AFF3: variants seen among roughly 807,000 people sequenced by gnomAD.
AFF3 encodes the protein AF4/FMR2 family member 3.
A neutral mutation model predicts 129.7 loss-of-function variants in AFF3; 32 were observed. The observed-to-expected ratio is 0.25, with a 90% CI of 0.19 to 0.33. AFF3 has a LOEUF of 0.33. AFF3 is among the 10% of genes least tolerant of loss of function. The pLI, the probability that AFF3 is intolerant of heterozygous loss-of-function variation, is 1.00. For missense variants in AFF3, 1,373 were observed against 1,592.0 expected, an observed-to-expected ratio of 0.86 and a Z score of 2.34; for synonymous variants, 644 against 635.4, an observed-to-expected ratio of 1.01 and a Z score of -0.20.
At chr2:99,744,448 A>G (rs1296511929) in intron 9 of AFF3, among the ~76,000 whole-genome samples, 1 of 152,166 alleles carries the variant, frequency 6.6e-6, no homozygotes, top group Non-Finnish European at 1.5e-5. Flanking sequence ...GTACTTTCAT[A>G]AGGTTGTGCA....
chr2:100,055,462 T>TAAAAAAAA (rs55713850), intron 4 of AFF3, among the ~76,000 whole-genome samples: 2 of 128,500 alleles, frequency 1.6e-5, no homozygotes, highest in African/African-American at 5.9e-5. Flanking sequence ...CTAGAAATCT[T>TAAAAAAAA]AAAAAAAAAA....
intron 4 of AFF3, among the ~76,000 whole-genome samples, chr2:100,071,184 G>T (rs931895302): frequency 6.6e-6 from 1 of 152,074 alleles, no homozygotes; most frequent in African/African-American, 2.4e-5. Context: ...GTCAACCAGG[G>T]TCTAACAGTA....
chr2:99,797,548 A>AAAACAT (rs1685635214), intron 8 of AFF3, among the ~76,000 whole-genome samples: 1 of 152,150 alleles, frequency 6.6e-6, no homozygotes, highest in African/African-American at 2.4e-5. Context: ...CATTTGATAA[A>AAAACAT]AAACATAAAT....
At chr2:100,107,931 A>C (rs565318188) in intron 2 of AFF3, among the ~76,000 whole-genome samples, 1 of 152,166 alleles carries the variant, frequency 6.6e-6, no homozygotes, top group Non-Finnish European at 1.5e-5. Flanking sequence ...TTTTGTAACC[A>C]AGTGGGATTT....
chr2:100,024,231 CAAAAAAAAAAAAAAAA>C (rs56368025), intron 4 of AFF3, among the ~76,000 whole-genome samples: 2 of 56,044 alleles, frequency 3.6e-5, no homozygotes, highest in African/African-American at 7.6e-5. Flanking sequence ...GACTCCGTCT[CAAAAAAAAAAAAAAAA>C]AAAAAAAAAG....
intron 13 of AFF3, among the ~76,000 whole-genome samples, chr2:99,640,571 G>A (rs1006635523): frequency 2.6e-5 from 4 of 151,072 alleles, no homozygotes; most frequent in Non-Finnish European, 5.9e-5. Context: ...GCTTCACGAT[G>A]TCTTGTAAAA....
intron 13 of AFF3, among the ~76,000 whole-genome samples, chr2:99,633,524 G>A (rs1232392298): frequency 6.6e-6 from 1 of 152,176 alleles, no homozygotes; most frequent in African/African-American, 2.4e-5. Context: ...TTTGAATATG[G>A]TTTTTCTGTC....
At chr2:99,783,705 G>A (rs562159996) in intron 8 of AFF3, among the ~76,000 whole-genome samples, 22 of 152,338 alleles carry the variant, frequency 1.4e-4, no homozygotes, top group African/African-American at 4.6e-4. Context: ...TTTGTGATGT[G>A]GAAGCTGTCA....
In AFF3 at chr2:99,624,887, C is replaced by T. The variant is rs535098183; in HGVS notation, c.1185-23266G>A. Among the ~76,000 whole-genome samples the T allele has an allele frequency of 2.0e-5, 3 of 152,350 alleles. No homozygotes were observed. The South Asian group carries it at 6.2e-4, about 32-fold the overall frequency. On this transcript the variant is annotated intron_variant, in intron 13 of 24. Coordinates refer to ENST00000672756, the MANE Select transcript of AFF3 (RefSeq NM_001386135.1). Reference sequence around the variant, plus strand: ...GGGAGGGCAGCAAGTGGGAGCTCCGCCAGATGCCTCCGACCTGCATACGGC... The same window carrying T: ...GGGAGGGCAGCAAGTGGGAGCTCCGTCAGATGCCTCCGACCTGCATACGGC...
At chr2:100,111,499 T>A (rs1691509009) in intron 2 of AFF3, among the ~76,000 whole-genome samples, 1 of 152,254 alleles carries the variant, frequency 6.6e-6, no homozygotes, top group Non-Finnish European at 1.5e-5. Context: ...TATTTGTTTC[T>A]TTATTTTCAT....
intron 18 of AFF3, among the ~76,000 whole-genome samples, 188 bp from the exon 19 acceptor site, chr2:99,569,103 T>C (rs1434077024): frequency 6.6e-6 from 1 of 152,230 alleles, no homozygotes; most frequent in Non-Finnish European, 1.5e-5. Flanking sequence ...TCTCTTAAGT[T>C]AGCAATTCGA....
chr2:99,896,898 G>C lies in AFF3; in HGVS notation c.874-59374C>G, dbSNP rs183109349. Among the ~76,000 whole-genome samples, 813 of 152,104 alleles carry C rather than the reference G, an allele frequency of 5.3e-3. 5 individuals are homozygous for C. The highest frequency in any genetic ancestry group is 9.7e-3 in the Non-Finnish European group (658 of 67,994). On this transcript the variant is annotated intron_variant, in intron 7 of 24. Coordinates refer to ENST00000672756, the MANE Select transcript of AFF3 (RefSeq NM_001386135.1). ...GATCTGCCCGCCTCGGCCTCCCAAA[G>C]TGCTGGGATTACAGGCATGAGCCAC...
At chr2:99,695,267 T>A (rs1179245249) in intron 11 of AFF3, among the ~76,000 whole-genome samples, 2 of 152,176 alleles carry the variant, frequency 1.3e-5, no homozygotes, top group Non-Finnish European at 2.9e-5. Context: ...ACAGCACCAG[T>A]GGCCCTGGCT....
intron 7 of AFF3, among the ~76,000 whole-genome samples, chr2:99,874,185 C>A (rs28391205): frequency 3.1e-4 from 47 of 152,078 alleles, no homozygotes; most frequent in Non-Finnish European, 8.8e-5. Context: ...TCAAAAAAAA[C>A]AAAAAACTCT....
At chr2:99,714,185 G>A (rs551209258) in intron 11 of AFF3, among the ~76,000 whole-genome samples, 1 of 152,018 alleles carries the variant, frequency 6.6e-6, no homozygotes, top group Non-Finnish European at 1.5e-5. Context: ...ATGCCTAATC[G>A]CCCTCTCAGG....
chr2:99,608,545 G>C (rs569566594), intron 13 of AFF3, among the ~76,000 whole-genome samples: 184 of 152,224 alleles, frequency 1.2e-3, no homozygotes, highest in African/African-American at 4.3e-3. Flanking sequence ...CGGGGGCCAC[G>C]CAAGTAGCAT....
intron 8 of AFF3, among the ~76,000 whole-genome samples, chr2:99,826,357 G>A (rs919232034): frequency 2.6e-5 from 4 of 152,128 alleles, no homozygotes; most frequent in East Asian, 1.9e-4. Flanking sequence ...GCCGGTCATC[G>A]TGCTCACCCC....
chr2:99,900,851 G>A (rs1268159685), intron 7 of AFF3, among the ~76,000 whole-genome samples: 1 of 152,214 alleles, frequency 6.6e-6, no homozygotes, highest in East Asian at 1.9e-4. Flanking sequence ...CAGGTTTGAT[G>A]ATCTCCGCAA....
chr2:99,855,105 T>C (rs1316305766), intron 7 of AFF3, among the ~76,000 whole-genome samples: 1 of 152,002 alleles, frequency 6.6e-6, no homozygotes, highest in Non-Finnish European at 1.5e-5. Context: ...ATTTCCTAAA[T>C]AAGACACAAA....
Sources: allele counts gnomAD v4.1 joint callset (sites outside exome capture counted in the v4.1 genomes callset), GRCh38; gene constraint gnomAD v4.1.1; transcripts MANE v1.5; gene names NCBI Gene and HGNC (gene_info 2026-07-23, HGNC 2026-07-21).